MCF2L: variants seen among roughly 807,000 people sequenced by gnomAD.
MCF2L encodes the protein guanine nucleotide exchange factor DBS.
A neutral mutation model predicts 153.4 loss-of-function variants in MCF2L; 97 were observed. The ratio of observed to expected loss-of-function variants is 0.63; its 90% CI spans 0.54 to 0.75. MCF2L has a LOEUF of 0.75. MCF2L is among the 30% of genes least tolerant of loss of function. MCF2L has a pLI of 0.00. For synonymous variants in MCF2L, 659 were observed against 632.2 expected, an observed-to-expected ratio of 1.04 and a Z score of -0.64; for missense variants, 1,347 against 1,495.2, an observed-to-expected ratio of 0.90 and a Z score of 1.64.
At chr13:113,037,729 C>T (rs1362659902) in intron 3 of MCF2L, among the ~76,000 whole-genome samples, 3 of 152,222 alleles carry the variant, frequency 2.0e-5, no homozygotes, top group Non-Finnish European at 2.9e-5. Context: ...GTGAGCCCCA[C>T]TTTCTGCATT....
At chr13:113,057,406 A>G (rs1157764105) in intron 4 of MCF2L, among the ~76,000 whole-genome samples, 141 of 94,862 alleles carry the variant, frequency 1.5e-3, no homozygotes, top group Middle Eastern at 0.013. Context: ...CTGAGTGTTT[A>G]GGTGCTGTGT....
At chr13:112,950,120 C>T (rs1331397603) in intron 2 of MCF2L, among the ~76,000 whole-genome samples, 1 of 149,818 alleles carries the variant, frequency 6.7e-6, no homozygotes, top group Non-Finnish European at 1.5e-5. Flanking sequence ...ATTATGTACA[C>T]CAAAATTAAA....
At chr13:112,989,962 C>G (rs957127589) in intron 1 of MCF2L, among the ~76,000 whole-genome samples, 1 of 152,182 alleles carries the variant, frequency 6.6e-6, no homozygotes, top group East Asian at 1.9e-4. Context: ...GCCTAGATCC[C>G]TCGCATGCAC....
intron 18 of MCF2L, 117 bp from the exon 19 acceptor site, chr13:113,084,775 G>A (rs2142021548): frequency 1.3e-6 from 1 of 789,612 alleles, no homozygotes; most frequent in Non-Finnish European, 2.1e-6. Flanking sequence ...GCAGGGCCGG[G>A]AAGACGCTGC....
intron 1 of MCF2L, among the ~76,000 whole-genome samples, chr13:112,986,216 G>A (rs1448052958): frequency 6.7e-6 from 1 of 150,198 alleles, no homozygotes; most frequent in Non-Finnish European, 1.5e-5. Context: ...TCTCTGTGAG[G>A]ATGGGGCCGC....
rs1566894069 is a variant in MCF2L at position 113,096,605 on chromosome 13, T to C, written c.3244T>C (p.Ser1082Pro). The change falls in exon 29 of 30, where the codon TCC becomes CCC. Residue 1082 changes from serine (S) to proline (P), a missense_variant. By Grantham distance (74) the Ser-to-Pro change is moderately conservative. This residue lies in a region of MCF2L where 383 missense variants were observed against 335.4 expected (regional missense o/e 1.14). Coordinates refer to ENST00000535094, the MANE Select transcript of MCF2L (RefSeq NM_001112732.3). ...KEGWVPASSL[S>P]VRLGPSGSAQ... is the part of the protein sequence containing the mutation. ...GGGCTGGGTGCCGGCCAGCAGCCTG[T>C]CCGTCCGGCTCGGCCCGTCCGGCTC... is the stretch of plus-strand genomic sequence containing the variant. The C allele has an allele frequency of 6.2e-7, 1 of 1,601,508 alleles. No homozygotes were observed. Among genetic ancestry groups the C allele is most frequent in the African/African-American group, 1.3e-5 (1 of 74,954 alleles).
chr13:112,975,562 C>T (rs2082184859), intron 1 of MCF2L, among the ~76,000 whole-genome samples: 1 of 152,228 alleles, frequency 6.6e-6, no homozygotes. Context: ...GACCCGTTTG[C>T]TGTTAGGGTC....
chr13:113,065,212 G>C lies in MCF2L; in HGVS notation c.756+127G>C, dbSNP rs778624115. The C allele has an allele frequency of 3.5e-6, 4 of 1,156,406 alleles. No homozygotes were observed. In the South Asian group the frequency reaches 5.7e-5, roughly 16 times the overall value. The allele number at this position is 1,156,406 out of a possible 1,614,324, so 71.6% of individuals were successfully genotyped here. A position where few individuals can be genotyped will look rare whatever the true frequency, so the allele number is the denominator to read the frequency against. On this transcript the variant is annotated intron_variant, in intron 7 of 29. Coordinates refer to ENST00000535094, the MANE Select transcript of MCF2L (RefSeq NM_001112732.3). Reference sequence around the variant, plus strand: ...GGGAGTTTGTGTCAGCAGCACGTAAGACCAAGAAGTCAGCAGGCTTGAGAT... The same window carrying C: ...GGGAGTTTGTGTCAGCAGCACGTAACACCAAGAAGTCAGCAGGCTTGAGAT...
At position 113,070,253 on chromosome 13, in the gene MCF2L, G is replaced by A. The variant is rs1355773966; in HGVS notation, c.996+80G>A. 3 of 966,300 alleles carry A rather than the reference G, an allele frequency of 3.1e-6. No homozygotes were observed. Among genetic ancestry groups the A allele is most frequent in the Non-Finnish European group, 4.4e-6 (3 of 681,862 alleles). 59.9% of individuals were successfully genotyped at this position (966,300 alleles called of 1,614,324 possible). On this transcript the variant is annotated intron_variant, in intron 9 of 29. Transcript: ENST00000535094. This position sits in a 1 kb window ranked among gnomAD's most constrained non-coding sequence, Gnocchi z 5.6. Reference sequence around the variant, plus strand: ...TGCCTGCGCCCTGGTCCCAGTGCCGGGAGCTGAGCCGTGCCACCCAGTTGA... The same window carrying A: ...TGCCTGCGCCCTGGTCCCAGTGCCGAGAGCTGAGCCGTGCCACCCAGTTGA...
chr13:113,091,088 C>A (rs41306043), intron 26 of MCF2L: 1 of 1,302,654 alleles, frequency 7.7e-7, no homozygotes, highest in Non-Finnish European at 1.0e-6. Flanking sequence ...ACTCTCTCTC[C>A]GGTTGTATTT....
intron 5 of MCF2L, among the ~76,000 whole-genome samples, chr13:113,063,099 A>G (rs563326041): frequency 7.9e-5 from 12 of 152,282 alleles, no homozygotes; most frequent in Non-Finnish European, 1.6e-4. Context: ...CACAGGCCGC[A>G]CTCGTGTGGA....
At chr13:112,954,556 C>T (rs755762994) in intron 2 of MCF2L, among the ~76,000 whole-genome samples, 3 of 152,196 alleles carry the variant, frequency 2.0e-5, no homozygotes, top group Non-Finnish European at 2.9e-5. Flanking sequence ...CATGGAATGA[C>T]TGCTTTGCTT....
At chr13:112,959,006 C>T (rs1045078120) in intron 2 of MCF2L, among the ~76,000 whole-genome samples, 1 of 152,230 alleles carries the variant, frequency 6.6e-6, no homozygotes, top group Non-Finnish European at 1.5e-5. Context: ...CCTGTGGCCG[C>T]TATGCCTCTT....
chr13:113,089,878 C>T, intron 26 of MCF2L, 150 bp downstream of exon 26: 1 of 1,610,722 alleles, frequency 6.2e-7, no homozygotes, highest in Non-Finnish European at 8.5e-7. Flanking sequence ...TTAACAGAGC[C>T]CTAGGACCCC....
upstream of MCF2L, among the ~76,000 whole-genome samples, chr13:112,964,463 C>T (rs2081869569): frequency 6.6e-6 from 1 of 152,238 alleles, no homozygotes; most frequent in East Asian, 1.9e-4. Context: ...TGTGTCTGCT[C>T]ATGTGGATGC....
Position 113,027,713 on chromosome 13 carries a change from C to T in MCF2L, c.278+2955C>T, listed in dbSNP as rs1292102398. Among the ~76,000 whole-genome samples the T allele has an allele frequency of 3.3e-5, 5 of 152,206 alleles. No homozygotes were observed. Among genetic ancestry groups the T allele is most frequent in the Admixed American group, 2.6e-4 (4 of 15,288 alleles). The stretch of plus-strand genomic sequence containing the variant: ...TGCAGACGGTTTCCACACATTCCTC[C>T]CTGGTTCTCAGCCACACTGTGGCAG... On this transcript the variant is annotated intron_variant, in intron 3 of 29. Transcript: ENST00000535094. The surrounding 1 kb of genome is among the most constrained non-coding windows in gnomAD (Gnocchi z 4.8).
upstream of MCF2L, chr13:112,968,508 T>C (rs764522142): frequency 6.3e-7 from 1 of 1,580,180 alleles, no homozygotes; most frequent in Non-Finnish European, 8.6e-7. Context: ...CGCGCTTCCC[T>C]CACTGGGTCC....
chr13:112,977,147 A>G (rs1359574059), intron 1 of MCF2L, among the ~76,000 whole-genome samples: 2 of 152,220 alleles, frequency 1.3e-5, no homozygotes, highest in Admixed American at 1.3e-4. Flanking sequence ...CGACTAATGG[A>G]GTGGCTAATG....
rs4907558 is a variant in MCF2L, at chr13:112,907,085, A to G, written c.169+4714A>G. On this transcript the variant is annotated intron_variant, in intron 2 of 29. Transcript: ENST00000375608. This position sits in a 1 kb window ranked among gnomAD's most constrained non-coding sequence, Gnocchi z 5.1. ...GAAGCCTTGGAGCATGGATGATTCC[A>G]TGGCTGGACCTAATACTTCCATGCT... Among the ~76,000 whole-genome samples the G allele has an allele frequency of 0.82, 124,635 of 152,054 alleles. 51,355 individuals are homozygous for G. Among genetic ancestry groups the G allele is most frequent in the East Asian group, 0.91 (4,682 of 5,154 alleles).
Sources: gnomAD v4.1 joint callset for allele counts (sites outside exome capture counted in the v4.1 genomes callset) on GRCh38, gnomAD v4.1.1 for gene constraint, gnomAD v4.1.1 regional missense constraint, Gnocchi (gnomAD v3.1) non-coding constraint, MANE v1.5 for transcripts, NCBI Gene and HGNC (gene_info 2026-07-23, HGNC 2026-07-21) for gene names.